Variants in PRDM16 observed in about 807,000 individuals in gnomAD.
The protein encoded by PRDM16 is PR/SET domain 16, also known as histone-lysine N-methyltransferase PRDM16.
Under a neutral mutation model 110.6 loss-of-function variants are expected in PRDM16, and 23 were observed. The ratio of observed to expected loss-of-function variants is 0.21; its 90% confidence interval spans 0.15 to 0.29. The LOEUF (loss-of-function observed/expected upper bound fraction) is 0.29. Among genes scored for constraint, PRDM16 ranks in the 10% least tolerant of loss-of-function variants. PRDM16 has a pLI of 1.00. For missense variants in PRDM16, 1,615 were observed against 1,794.3 expected (o/e 0.90, Z 1.81); for synonymous variants, 799 against 781.8 (o/e 1.02, Z -0.37).
At chr1:3,194,302 G>A (rs1425825749) in intron 2 of PRDM16, among the ~76,000 whole-genome samples, 4 of 152,184 alleles carry the variant, frequency 2.6e-5, no homozygotes, top group Non-Finnish European at 5.9e-5. Flanking sequence ...CCTGTGCAGG[G>A]CGCTTCCTTC....
intron 1 of PRDM16, among the ~76,000 whole-genome samples, chr1:3,091,533 G>A (rs554477866): frequency 6.6e-5 from 10 of 152,346 alleles, no homozygotes; most frequent in South Asian, 4.1e-4. Context: ...CGCCTGCCCC[G>A]TGCCACACTT....
At chr1:3,182,096 C>T (rs2817133) in intron 1 of PRDM16, among the ~76,000 whole-genome samples, 17,913 of 152,258 alleles carry the variant, frequency 0.12, 1,982 homozygotes, top group African/African-American at 0.28. Context: ...CCCTGCCAGC[C>T]ACCACACGGT....
At chr1:3,422,739 C>T (rs925642376) in intron 12 of PRDM16, among the ~76,000 whole-genome samples, 2 of 152,178 alleles carry the variant, frequency 1.3e-5, no homozygotes, top group Non-Finnish European at 2.9e-5. Context: ...GGGCTCCATC[C>T]TCGGCCTTAT....
chr1:3,113,204 G>T (rs538887377), intron 1 of PRDM16, among the ~76,000 whole-genome samples: 1 of 152,256 alleles, frequency 6.6e-6, no homozygotes, highest in Non-Finnish European at 1.5e-5. Context: ...ACACTGCAAT[G>T]TTCTCCCCCA....
At chr1:3,399,044 G>A (rs1643427713) in intron 5 of PRDM16, among the ~76,000 whole-genome samples, 2 of 152,182 alleles carry the variant, frequency 1.3e-5, no homozygotes, top group Admixed American at 1.3e-4. Context: ...AAGTGATTCA[G>A]ACCACGGGGA....
intron 1 of PRDM16, among the ~76,000 whole-genome samples, chr1:3,165,710 CT>C (rs1643946857): frequency 1.4e-5 from 1 of 69,550 alleles, no homozygotes; most frequent in African/African-American, 9.8e-5. Context: ...CTCACCTGGG[CT>C]CAGGGACAGT....
At chr1:3,188,731 A>G (rs1293546206) in intron 2 of PRDM16, among the ~76,000 whole-genome samples, 2 of 152,160 alleles carry the variant, frequency 1.3e-5, no homozygotes, top group African/African-American at 4.8e-5. Context: ...TGTTGCTTCT[A>G]TCAGATGGGA....
chr1:3,140,166 C>T (rs989191020), intron 1 of PRDM16, among the ~76,000 whole-genome samples: 3 of 152,264 alleles, frequency 2.0e-5, no homozygotes, highest in Non-Finnish European at 2.9e-5. Flanking sequence ...GAAGTGGTCC[C>T]CGCTCCCCCG....
chr1:3,128,347 T>A (rs1643254813), intron 1 of PRDM16, among the ~76,000 whole-genome samples: 1 of 152,210 alleles, frequency 6.6e-6, no homozygotes, highest in Non-Finnish European at 1.5e-5. Context: ...GATTTCCTAT[T>A]TTATCCCAGT....
intron 1 of PRDM16, among the ~76,000 whole-genome samples, chr1:3,086,155 C>G (rs1164984968): frequency 6.6e-6 from 1 of 152,138 alleles, no homozygotes; most frequent in Admixed American, 6.5e-5. Context: ...GTCCCCTCCT[C>G]TCAGGGCAGG....
chr1:3,279,862 G>A (rs760327273), intron 3 of PRDM16, among the ~76,000 whole-genome samples: 18 of 114,552 alleles, frequency 1.6e-4, no homozygotes, highest in Admixed American at 4.0e-4. Flanking sequence ...GTGGACAGGC[G>A]GCCCCTCCTC....
intron 1 of PRDM16, among the ~76,000 whole-genome samples, chr1:3,098,474 C>T (rs912189171): frequency 6.6e-6 from 1 of 152,180 alleles, no homozygotes; most frequent in Non-Finnish European, 1.5e-5. Context: ...CCAGGTGCTT[C>T]CCCCAGACTC....
At position 3,425,139 on chromosome 1, in the gene PRDM16, G is replaced by C. The variant is rs1196495670; in HGVS notation, c.2940-442G>C. The C allele has an allele frequency of 6.6e-6, 1 of 152,072 alleles. No individual in the cohort carries two copies. The highest frequency in any genetic ancestry group is 1.5e-5 in the Non-Finnish European group (1 of 68,900). 9.4% of individuals were successfully genotyped at this position (152,072 alleles called of 1,614,324 possible). A position where few individuals can be genotyped will look rare whatever the true frequency, so the allele number is the denominator to read the frequency against. The stretch of plus-strand genomic sequence containing the variant: ...GTCGCCCAGGCTGGAGTGCGGTGGC[G>C]TGATCTTGGCTCACTGCAAGCTCCG... On this transcript the variant is annotated intron_variant, in intron 12 of 16. Coordinates refer to ENST00000270722, the MANE Select transcript of PRDM16 (RefSeq NM_022114.4). This position sits in a 1 kb window ranked among gnomAD's most constrained non-coding sequence, Gnocchi z 6.9.
At chr1:3,295,245 C>T (rs1641061508) in intron 3 of PRDM16, among the ~76,000 whole-genome samples, 1 of 152,204 alleles carries the variant, frequency 6.6e-6, no homozygotes, top group African/African-American at 2.4e-5. Context: ...AGGTGGCGGG[C>T]AGGACAGCTG....
intron 2 of PRDM16, among the ~76,000 whole-genome samples, chr1:3,200,871 C>T (rs1010027737): frequency 2.0e-5 from 3 of 151,634 alleles, no homozygotes; most frequent in African/African-American, 7.3e-5. Context: ...GACCTGACCA[C>T]GGGCACAGAA....
chr1:3,086,545 C>T (rs182908700), intron 1 of PRDM16, among the ~76,000 whole-genome samples: 3 of 152,236 alleles, frequency 2.0e-5, no homozygotes, highest in Admixed American at 6.5e-5. Flanking sequence ...GGCCTCCTCC[C>T]GCCGGGCTGC....
intron 5 of PRDM16, 94 bp from the exon 6 acceptor site, chr1:3,402,697 C>T: frequency 1.8e-6 from 2 of 1,110,472 alleles, no homozygotes; most frequent in Middle Eastern, 2.0e-4. Flanking sequence ...GGCCCTGAGG[C>T]ACCGTGGTGA....
In PRDM16 at chr1:3,407,456, G is replaced by A. The variant is rs543587220; in HGVS notation, c.1186+1808G>A. ...GCAGTGTGCCCGGCTCCGGCACCCC[G>A]ATACACAGTACCCCTTTCCTCTGGG... On this transcript the variant is annotated intron_variant, in intron 8 of 16. Coordinates refer to ENST00000270722, the MANE Select transcript of PRDM16 (RefSeq NM_022114.4). Among the ~76,000 whole-genome samples, 27 of 152,310 alleles carry A rather than the reference G, an allele frequency of 1.8e-4. No individual in the cohort carries two copies. The South Asian group carries it at 5.0e-3, about 28-fold the overall frequency.
rs1642038833 is a variant in PRDM16, at chr1:3,081,964, A to G, written c.37+12668A>G. On this transcript the variant is annotated intron_variant, in intron 1 of 16. Transcript: ENST00000270722. This position sits in a 1 kb window ranked among gnomAD's most constrained non-coding sequence, Gnocchi z 4.6. Reference sequence around the variant, plus strand: ...CCACAGTGTGCCAAGGCAGCGGCAAAGCCCCCGTGAGCACCAACCCAAGCC... The same window carrying G: ...CCACAGTGTGCCAAGGCAGCGGCAAGGCCCCCGTGAGCACCAACCCAAGCC... 6.6e-6 allele frequency among the ~76,000 whole-genome samples: 1 copy of G among 152,208 alleles called. No individual in the cohort carries two copies. Among genetic ancestry groups the G allele is most frequent in the African/African-American group, 2.4e-5 (1 of 41,462 alleles).
Sources: gnomAD v4.1 joint callset for allele counts (sites outside exome capture counted in the v4.1 genomes callset) on GRCh38, gnomAD v4.1.1 for gene constraint, Gnocchi (gnomAD v3.1) non-coding constraint, MANE v1.5 for transcripts, NCBI Gene and HGNC (gene_info 2026-07-23, HGNC 2026-07-21) for gene names.